Variants in CNTN5 observed in about 807,000 individuals in gnomAD.
The protein encoded by CNTN5 is contactin 5, also known as contactin-5.
A neutral mutation model predicts 129.1 loss-of-function variants in CNTN5; 77 were observed. That is an observed-to-expected ratio of 0.60 (90% confidence interval 0.50 to 0.72). CNTN5 has a LOEUF of 0.72. CNTN5 is among the 30% of genes least tolerant of loss of function. The pLI is 0.00. For missense variants in CNTN5, 1,478 were observed against 1,328.8 expected (o/e 1.11, Z -1.75); for synonymous variants, 509 against 465.6 (o/e 1.09, Z -1.20).
intron 1 of CNTN5, among the ~76,000 whole-genome samples, chr11:99,115,262 T>C (rs909551988): frequency 6.6e-6 from 1 of 152,210 alleles, no homozygotes; most frequent in Admixed American, 6.5e-5. Context: ...TTTGACAAAA[T>C]ACTTTAATTG....
intron 18 of CNTN5, among the ~76,000 whole-genome samples, chr11:100,282,697 G>T (rs188344216): frequency 6.6e-6 from 1 of 152,200 alleles, no homozygotes; most frequent in African/African-American, 2.4e-5. Context: ...GGGCCTAGGC[G>T]GATCCAGAGG....
chr11:100,267,280 C>CACACACAG lies in CNTN5; in HGVS notation c.2165-3811_2165-3810insCACACAGA, dbSNP rs371454644. 5.0e-3 allele frequency among the ~76,000 whole-genome samples: 750 copies of CACACACAG among 148,560 alleles called. 4 individuals are homozygous for CACACACAG. The highest frequency in any genetic ancestry group is 7.5e-3 in the Admixed American group (110 of 14,762). Reference sequence around the variant, plus strand: ...ACACACACACACACACACACACACACAGAGAGAGAGAGAAAGAGAGAGTGA... The same window carrying CACACACAG: ...ACACACACACACACACACACACACACACACACAGAGAGAGAGAGAGAAAGAGAGAGTGA... On this transcript the variant is annotated intron_variant, in intron 17 of 24. Transcript: ENST00000524871.
At chr11:99,940,239 G>A (rs1950405598) in intron 7 of CNTN5, among the ~76,000 whole-genome samples, 1 of 152,078 alleles carries the variant, frequency 6.6e-6, no homozygotes, top group African/African-American at 2.4e-5. Context: ...AGATCATATG[G>A]AGGTTATGCA....
chr11:99,584,353 A>G (rs938611168), intron 3 of CNTN5, among the ~76,000 whole-genome samples: 2 of 152,176 alleles, frequency 1.3e-5, no homozygotes, highest in African/African-American at 2.4e-5. Context: ...TTATATCCTT[A>G]GTGCAGAGCT....
chr11:99,753,651 G>GAAA (rs201045916), intron 3 of CNTN5, among the ~76,000 whole-genome samples: 1 of 96,278 alleles, frequency 1.0e-5, no homozygotes, highest in Non-Finnish European at 2.1e-5. Context: ...AATTTTTACT[G>GAAA]AAAAAAAAAA....
intron 9 of CNTN5, among the ~76,000 whole-genome samples, chr11:100,049,524 T>G (rs1335437918): frequency 1.3e-5 from 2 of 152,036 alleles, no homozygotes; most frequent in African/African-American, 4.8e-5. Flanking sequence ...CACAGGTAAT[T>G]ATATTAAATG....
intron 1 of CNTN5, among the ~76,000 whole-genome samples, chr11:99,183,409 T>C (rs1858179181): frequency 6.6e-6 from 1 of 152,198 alleles, no homozygotes; most frequent in African/African-American, 2.4e-5. Context: ...CAGAGATCAT[T>C]ATAACTATTG....
intron 15 of CNTN5, among the ~76,000 whole-genome samples, chr11:100,222,049 A>G (rs1000073483): frequency 6.6e-6 from 1 of 152,230 alleles, no homozygotes; most frequent in Non-Finnish European, 1.5e-5. Context: ...TTGAAAGATC[A>G]GTAAATCTAC....
intron 13 of CNTN5, among the ~76,000 whole-genome samples, chr11:100,151,618 T>TTAAG (rs1296770707): frequency 6.6e-6 from 1 of 152,182 alleles, no homozygotes; most frequent in East Asian, 1.9e-4. Context: ...TATTACCAAC[T>TTAAG]TAAGTGTCTT....
chr11:99,163,338 G>C (rs950415011), intron 1 of CNTN5, among the ~76,000 whole-genome samples: 1 of 151,864 alleles, frequency 6.6e-6, no homozygotes, highest in Non-Finnish European at 1.5e-5. Context: ...CCTTAACAAA[G>C]CTACTCCTTT....
At chr11:99,965,669 A>G (rs1005519331) in intron 8 of CNTN5, among the ~76,000 whole-genome samples, 5 of 152,104 alleles carry the variant, frequency 3.3e-5, no homozygotes, top group African/African-American at 4.8e-5. Context: ...GTAGATGTCT[A>G]TTAGGTCTGC....
At chr11:99,764,826 A>C (rs573351592) in intron 3 of CNTN5, among the ~76,000 whole-genome samples, 10 of 152,310 alleles carry the variant, frequency 6.6e-5, no homozygotes, top group African/African-American at 2.4e-4. Context: ...TCCAGATTTC[A>C]CGTGCCTAGT....
At chr11:99,510,051 G>C (rs1946777142) in intron 2 of CNTN5, among the ~76,000 whole-genome samples, 1 of 151,544 alleles carries the variant, frequency 6.6e-6, no homozygotes, top group African/African-American at 2.4e-5. Context: ...CTATTATGGG[G>C]CTTAAATTGC....
chr11:99,064,961 T>C lies in CNTN5; in HGVS notation c.-210+43691T>C, dbSNP rs181542709. Reference sequence around the variant, plus strand: ...ATTAAAATGTATATTTCATATAAAATAAAAAGTATTCTTTTTTAACTTTTA... The same window carrying C: ...ATTAAAATGTATATTTCATATAAAACAAAAAGTATTCTTTTTTAACTTTTA... On this transcript the variant is annotated intron_variant, in intron 1 of 24. Transcript: ENST00000524871. Among the ~76,000 whole-genome samples, 4 of 152,102 alleles carry C rather than the reference T, an allele frequency of 2.6e-5. No individual in the cohort carries two copies. In the East Asian group the frequency reaches 7.7e-4, roughly 29 times the overall value.
intron 3 of CNTN5, among the ~76,000 whole-genome samples, chr11:99,808,066 G>A (rs141159034): frequency 7.3e-4 from 111 of 152,194 alleles, no homozygotes; most frequent in Middle Eastern, 3.4e-3. Context: ...ATTTGGAAGG[G>A]TACTATACTG....
At chr11:99,645,666 GA>G (rs1951932235) in intron 3 of CNTN5, among the ~76,000 whole-genome samples, 1 of 152,102 alleles carries the variant, frequency 6.6e-6, no homozygotes, top group Admixed American at 6.6e-5. Flanking sequence ...GATGAAGCTG[GA>G]AACCATCATT....
chr11:99,167,557 T>C (rs1043798285), intron 1 of CNTN5, among the ~76,000 whole-genome samples: 52 of 152,278 alleles, frequency 3.4e-4, no homozygotes, highest in African/African-American at 1.3e-3. Flanking sequence ...ATTTGTGATA[T>C]GCTCTATTGG....
intron 1 of CNTN5, among the ~76,000 whole-genome samples, chr11:99,291,942 C>A (rs1208887014): frequency 6.6e-6 from 1 of 152,116 alleles, no homozygotes; most frequent in East Asian, 1.9e-4. Flanking sequence ...TGTGATTTTG[C>A]AAACTGGATT....
intron 13 of CNTN5, among the ~76,000 whole-genome samples, chr11:100,154,181 G>A (rs148587832): frequency 6.1e-4 from 92 of 151,744 alleles, no homozygotes; most frequent in African/African-American, 2.1e-3. Context: ...GTTTACTGCC[G>A]CTAATGAGGA....
Sources: allele counts gnomAD v4.1 joint callset (sites outside exome capture counted in the v4.1 genomes callset), GRCh38; gene constraint gnomAD v4.1.1; transcripts MANE v1.5; gene names NCBI Gene and HGNC (gene_info 2026-07-23, HGNC 2026-07-21).